Variants in CHST9 observed in about 807,000 individuals in gnomAD.
The protein encoded by CHST9 is carbohydrate sulfotransferase 9, also known as GalNAc-4-sulfotransferase 2.
In CHST9, 41 loss-of-function variants were observed where a neutral mutation model predicts 44.4. The ratio of observed to expected loss-of-function variants is 0.92; its 90% CI spans 0.72 to 1.20. The LOEUF is 1.20. Among genes scored for constraint, CHST9 ranks in the 50% most tolerant of loss-of-function variants. CHST9 has a pLI of 0.00. For synonymous variants in CHST9, 171 were observed against 178.4 expected, an observed-to-expected ratio of 0.96 and a Z score of 0.33; for missense variants, 504 against 516.5, an observed-to-expected ratio of 0.98 and a Z score of 0.23.
chr18:27,042,400 A>G (rs561970890), intron 3 of CHST9, among the ~76,000 whole-genome samples: 1 of 152,104 alleles, frequency 6.6e-6, no homozygotes, highest in Admixed American at 6.6e-5. Flanking sequence ...AGTGTTTGCC[A>G]ATCTCCATGT....
rs183007934 is a variant in CHST9, at chr18:27,092,244, G to A, written c.122-43741C>T. ...GTTTATTTGCATAGAGGTGTTTATA[G>A]TATTATCTGATGGTAGTTTGTATTT... is the stretch of plus-strand genomic sequence containing the variant. On this transcript the variant is annotated intron_variant, in intron 2 of 5. Transcript: ENST00000618847. Among the ~76,000 whole-genome samples the A allele has an allele frequency of 1.1e-3, 174 of 152,270 alleles. 1 individual carries two copies. The East Asian group carries it at 0.03, about 26-fold the overall frequency.
chr18:27,111,105 C>T (rs2058267107), intron 2 of CHST9, among the ~76,000 whole-genome samples: 1 of 152,188 alleles, frequency 6.6e-6, no homozygotes, highest in African/African-American at 2.4e-5. Flanking sequence ...GAACAGGGCT[C>T]CCTGATGCTG....
At chr18:27,143,549 G>A (rs1373127574) in intron 1 of CHST9, among the ~76,000 whole-genome samples, 1 of 151,906 alleles carries the variant, frequency 6.6e-6, no homozygotes, top group African/African-American at 2.4e-5. Flanking sequence ...ATACTGAACA[G>A]ATTTTCTTTT....
At chr18:27,153,469 A>G (rs2058673748) in intron 1 of CHST9, among the ~76,000 whole-genome samples, 1 of 150,848 alleles carries the variant, frequency 6.6e-6, no homozygotes, top group Admixed American at 6.6e-5. Context: ...CCCACTTCAC[A>G]TGGCCTTTTC....
chr18:27,080,655 G>C (rs1598706923), intron 2 of CHST9, among the ~76,000 whole-genome samples: 2 of 152,156 alleles, frequency 1.3e-5, no homozygotes, highest in African/African-American at 4.8e-5. Context: ...GGTGTGTTGA[G>C]GATGTCCTGC....
intron 4 of CHST9, among the ~76,000 whole-genome samples, chr18:27,003,545 A>AT (rs762861796): frequency 1.2e-4 from 18 of 152,134 alleles, no homozygotes; most frequent in African/African-American, 3.4e-4. Flanking sequence ...ATATAGAAAG[A>AT]TTTTTTCCCC....
chr18:27,010,102 A>T (rs1410741678), intron 4 of CHST9, among the ~76,000 whole-genome samples: 1 of 152,228 alleles, frequency 6.6e-6, no homozygotes, highest in South Asian at 2.1e-4. Context: ...ATATAATTGT[A>T]TCATACTCAG....
At chr18:27,052,659 A>T (rs1392127197) in intron 2 of CHST9, among the ~76,000 whole-genome samples, 4 of 152,150 alleles carry the variant, frequency 2.6e-5, no homozygotes, top group African/African-American at 7.2e-5. Flanking sequence ...TTTTAACTTA[A>T]ATAATTATAG....
chr18:27,117,055 C>T (rs1472183410), intron 2 of CHST9, among the ~76,000 whole-genome samples: 1 of 151,718 alleles, frequency 6.6e-6, no homozygotes, highest in Non-Finnish European at 1.5e-5. Context: ...CTGGACTTTA[C>T]TTTTTAACTA....
chr18:27,148,931 C>A (rs1305756457), intron 1 of CHST9, among the ~76,000 whole-genome samples: 1 of 134,154 alleles, frequency 7.5e-6, no homozygotes, highest in African/African-American at 2.7e-5. Flanking sequence ...TGTTTCCTGA[C>A]TTTTTAATGA....
chr18:27,177,405 A>G (rs933089719), intron 1 of CHST9, among the ~76,000 whole-genome samples: 1 of 151,926 alleles, frequency 6.6e-6, no homozygotes, highest in African/African-American at 2.4e-5. Flanking sequence ...TGCTTAAAGT[A>G]AGCTGGACCT....
intron 2 of CHST9, among the ~76,000 whole-genome samples, chr18:27,062,297 G>A (rs1052058246): frequency 6.6e-6 from 1 of 151,984 alleles, no homozygotes. Context: ...ATCTCCTAAT[G>A]CTATCCCTCC....
chr18:27,122,057 G>A (rs904206017), intron 2 of CHST9, among the ~76,000 whole-genome samples: 1 of 152,302 alleles, frequency 6.6e-6, no homozygotes, highest in Non-Finnish European at 1.5e-5. Context: ...TAACAACCCA[G>A]AGGAGTAAAA....
intron 2 of CHST9, among the ~76,000 whole-genome samples, chr18:27,109,280 A>T (rs1289603904): frequency 2.7e-5 from 4 of 150,318 alleles, no homozygotes; most frequent in Non-Finnish European, 5.9e-5. Context: ...AGACACCAGC[A>T]CCTTTTTTTT....
Position 26,913,789 on chromosome 18 carries a change from T to C in CHST9, c.*2470A>G, listed in dbSNP as rs923956822. ...CACAGGCAGAAATGACAAAGGTGAATGTGAGCTGGTCTGCAAGGCCAAATA... is the reference window on the plus strand; with the variant it reads ...CACAGGCAGAAATGACAAAGGTGAACGTGAGCTGGTCTGCAAGGCCAAATA... On this transcript the variant is annotated 3_prime_UTR_variant, in exon 6 of 6. Coordinates refer to ENST00000618847, the MANE Select transcript of CHST9 (RefSeq NM_031422.6). The C allele has an allele frequency of 4.6e-5, 7 of 152,226 alleles. No individual in the cohort carries two copies. The highest frequency in any genetic ancestry group is 1.7e-4 in the African/African-American group (7 of 41,464). 9.4% of individuals were successfully genotyped at this position (152,226 alleles called of 1,614,324 possible).
intron 2 of CHST9, among the ~76,000 whole-genome samples, chr18:27,097,094 C>T (rs1197251596): frequency 1.3e-5 from 2 of 152,106 alleles, no homozygotes; most frequent in Non-Finnish European, 2.9e-5. Context: ...AAATAGGCTT[C>T]ATTCCCGGGA....
Position 26,912,374 on chromosome 18 carries a change from T to TACACACACACAC in CHST9, c.*3873_*3884dup, listed in dbSNP as rs56288802. On this transcript the variant is annotated 3_prime_UTR_variant, in exon 6 of 6. Coordinates refer to ENST00000618847, the MANE Select transcript of CHST9 (RefSeq NM_031422.6). Reference sequence around the variant, plus strand: ...GAAATGTGATAACTAACTAGCTAAATACACACACACACACACACACACACA... The same window carrying TACACACACACAC: ...GAAATGTGATAACTAACTAGCTAAATACACACACACACACACACACACACACACACACACACA... 11 of 117,136 alleles carry TACACACACACAC rather than the reference T, an allele frequency of 9.4e-5. No individual in the cohort carries two copies. Among genetic ancestry groups the TACACACACACAC allele is most frequent in the African/African-American group, 3.5e-4 (11 of 31,618 alleles). The allele number at this position is 117,136 out of a possible 1,614,324, so 7.3% of individuals were successfully genotyped here. A position where few individuals can be genotyped will look rare whatever the true frequency, so the allele number is the denominator to read the frequency against.
chr18:27,158,773 C>T (rs1381228790), intron 1 of CHST9, among the ~76,000 whole-genome samples: 1 of 147,382 alleles, frequency 6.8e-6, no homozygotes, highest in Admixed American at 6.8e-5. Flanking sequence ...CCTGTTGTTT[C>T]CTGACTTTTT....
intron 4 of CHST9, among the ~76,000 whole-genome samples, chr18:26,955,674 T>C (rs1321672423): frequency 6.6e-6 from 1 of 151,570 alleles, no homozygotes; most frequent in African/African-American, 2.4e-5. Flanking sequence ...TCAGAGGGAG[T>C]CCAGCATTCA....
Sources: allele counts gnomAD v4.1 joint callset (sites outside exome capture counted in the v4.1 genomes callset), GRCh38; gene constraint gnomAD v4.1.1; transcripts MANE v1.5; gene names NCBI Gene and HGNC (gene_info 2026-07-23, HGNC 2026-07-21).